CAST: variants seen among roughly 807,000 people sequenced by gnomAD.
CAST encodes the protein MIR583 host.
In CAST, 76 loss-of-function variants were observed where a neutral mutation model predicts 119.6. That is an observed-to-expected ratio of 0.64 (90% CI 0.53 to 0.77). CAST has a LOEUF of 0.77. Ranked by LOEUF, CAST falls within the 30% of genes least tolerant of loss-of-function variation. The pLI is 0.00. For synonymous variants in CAST, 319 were observed against 331.6 expected, an observed-to-expected ratio of 0.96 and a Z score of 0.41; for missense variants, 953 against 946.5, an observed-to-expected ratio of 1.01 and a Z score of -0.09.
At chr5:96,532,583 C>A (rs1476886643) in intron 1 of CAST, among the ~76,000 whole-genome samples, 2 of 152,130 alleles carry the variant, frequency 1.3e-5, no homozygotes, top group Non-Finnish European at 2.9e-5. Context: ...GGCATCGTGG[C>A]CCACACCTGG....
chr5:96,041,460 C>T, the CAST span, among the ~76,000 whole-genome samples: 1 of 151,982 alleles, frequency 6.6e-6, no homozygotes, highest in Non-Finnish European at 1.5e-5. Context: ...TCTAAGGAAA[C>T]ATGACAAGTA....
the CAST span, among the ~76,000 whole-genome samples, chr5:96,463,624 C>T: frequency 1.3e-5 from 2 of 152,074 alleles, no homozygotes; most frequent in African/African-American, 4.8e-5. Flanking sequence ...CAGATTCAGT[C>T]TATTCTGACT....
the CAST span, among the ~76,000 whole-genome samples, chr5:96,357,091 C>T: frequency 3.3e-5 from 5 of 152,120 alleles, no homozygotes; most frequent in African/African-American, 1.2e-4. Context: ...TCTCTTTGAG[C>T]AATTGTGAAT....
chr5:96,432,870 A>G, the CAST span: 5 of 1,613,164 alleles, frequency 3.1e-6, no homozygotes, highest in Non-Finnish European at 4.2e-6. Context: ...TACCTGACCC[A>G]AAAGGTCATA....
At chr5:96,747,535 C>T in intron 18 of CAST, 143 bp downstream of exon 18, 1 of 541,632 alleles carries the variant, frequency 1.8e-6, no homozygotes, top group South Asian at 2.8e-5. Context: ...CTGATGGTAA[C>T]ACTTGGCTGA....
Position 96,619,778 on chromosome 5 carries a change from C to T in CAST, c.61-55761C>T, listed in dbSNP as rs566459928. Among the ~76,000 whole-genome samples the T allele has an allele frequency of 2.0e-5, 3 of 151,008 alleles. No individual in the cohort carries two copies. The South Asian group carries it at 6.2e-4, about 31-fold the overall frequency. The stretch of plus-strand genomic sequence containing the variant: ...CACCGCGAGGGTCCGTGGCTTCATT[C>T]CTGAAGTCAGCCATACCAAGAAACC... On this transcript the variant is annotated intron_variant, in intron 1 of 11. Transcript: ENST00000505143.
the CAST span, among the ~76,000 whole-genome samples, chr5:96,088,569 C>A: frequency 5.3e-5 from 8 of 152,288 alleles, no homozygotes; most frequent in African/African-American, 1.7e-4. Flanking sequence ...TTGGACTGCT[C>A]CACTGGATGA....
At chr5:96,722,788 A>G in intron 4 of CAST, 90 bp downstream of exon 4, 6 of 920,274 alleles carry the variant, frequency 6.5e-6, no homozygotes, top group Non-Finnish European at 9.0e-6. Context: ...ATGATGAGTT[A>G]TATATGCTAG....
chr5:96,296,749 A>T, the CAST span, among the ~76,000 whole-genome samples: 3 of 152,196 alleles, frequency 2.0e-5, no homozygotes, highest in Admixed American at 6.5e-5. Context: ...TGTCTGCTCA[A>T]CTGTGTTGGT....
chr5:96,715,054 T>G (rs533341760), intron 3 of CAST: 9 of 152,322 alleles, frequency 5.9e-5, no homozygotes, highest in African/African-American at 2.2e-4. Context: ...TGTATGTTTA[T>G]TTCGAGGCCT....
At chr5:96,693,466 T>G (rs1752957813) in intron 2 of CAST, among the ~76,000 whole-genome samples, 1 of 152,236 alleles carries the variant, frequency 6.6e-6, no homozygotes, top group African/African-American at 2.4e-5. Context: ...ATGTAGCGAA[T>G]GGAATCTGTA....
the CAST span, among the ~76,000 whole-genome samples, chr5:96,429,987 C>A: frequency 2.0e-5 from 3 of 152,164 alleles, no homozygotes; most frequent in Non-Finnish European, 2.9e-5. Flanking sequence ...GGTAAGCAGG[C>A]AAACACCTGG....
At chr5:96,268,400 C>G in the CAST span, among the ~76,000 whole-genome samples, 3 of 152,046 alleles carry the variant, frequency 2.0e-5, no homozygotes, top group Non-Finnish European at 4.4e-5. Context: ...TAGCAAAACC[C>G]CATCTCTACA....
At chr5:96,499,039 A>G in the CAST span, among the ~76,000 whole-genome samples, 2 of 151,826 alleles carry the variant, frequency 1.3e-5, no homozygotes, top group African/African-American at 2.4e-5. Context: ...GAAAAAAAAA[A>G]AAAAAGAAAA....
the CAST span, among the ~76,000 whole-genome samples, chr5:96,090,113 C>T: frequency 6.6e-6 from 1 of 152,134 alleles, no homozygotes; most frequent in Non-Finnish European, 1.5e-5. Flanking sequence ...AGCACGATGC[C>T]TAGGCCATAA....
the CAST span, among the ~76,000 whole-genome samples, chr5:96,332,687 G>T: frequency 6.6e-6 from 1 of 151,900 alleles, no homozygotes; most frequent in Non-Finnish European, 1.5e-5. Context: ...GTGCAAGTCA[G>T]GGGGAGGATA....
intron 1 of CAST, among the ~76,000 whole-genome samples, chr5:96,615,794 G>T (rs1371364235): frequency 6.6e-6 from 1 of 152,142 alleles, no homozygotes; most frequent in Non-Finnish European, 1.5e-5. Context: ...AAATGTTCTG[G>T]TATTAGGGTT....
At chr5:96,175,039 A>G in the CAST span, among the ~76,000 whole-genome samples, 2 of 152,164 alleles carry the variant, frequency 1.3e-5, no homozygotes, top group Admixed American at 6.5e-5. Context: ...TTAACTTCAG[A>G]TTTTTTAAAC....
chr5:96,470,009 A>C, the CAST span, among the ~76,000 whole-genome samples: 2 of 151,440 alleles, frequency 1.3e-5, no homozygotes, highest in Non-Finnish European at 3.0e-5. Flanking sequence ...TTACATTTTA[A>C]AAATAAATTA....
Sources: allele counts gnomAD v4.1 joint callset (sites outside exome capture counted in the v4.1 genomes callset), GRCh38; gene constraint gnomAD v4.1.1; transcripts MANE v1.5; gene names NCBI Gene and HGNC (gene_info 2026-07-23, HGNC 2026-07-21).